PCDHGA6: variants seen among roughly 807,000 people sequenced by gnomAD.
PCDHGA6 encodes protocadherin gamma subfamily A, 6, also known as protocadherin gamma-A6.
Under a neutral mutation model 60.6 loss-of-function variants are expected in PCDHGA6, and 41 were observed. That is an observed-to-expected ratio of 0.68 (90% CI 0.53 to 0.88). The LOEUF is 0.88. Ranked by LOEUF, PCDHGA6 falls within the 40% of genes least tolerant of loss-of-function variation. PCDHGA6 has a pLI of 0.00. For missense variants in PCDHGA6, 1,312 were observed against 1,203.0 expected (o/e 1.09, Z -1.34); for synonymous variants, 594 against 524.4 (o/e 1.13, Z -1.81).
chr5:141,423,067 G>A (rs757110751), intron 1 of PCDHGA6: 10 of 1,614,024 alleles, frequency 6.2e-6, no homozygotes, highest in South Asian at 5.5e-5. Context: ...TAAGGCCAGC[G>A]AGCCGGGACT....
At chr5:141,398,657 G>C in intron 1 of PCDHGA6, 1 of 1,614,018 alleles carries the variant, frequency 6.2e-7, no homozygotes, top group African/African-American at 1.3e-5. Flanking sequence ...CTTAACCCAA[G>C]TTTCTCATTA....
chr5:141,469,565 C>T (rs1410607165), intron 1 of PCDHGA6, among the ~76,000 whole-genome samples: 1 of 152,082 alleles, frequency 6.6e-6, no homozygotes, highest in East Asian at 1.9e-4. Context: ...CAGAGTGAGA[C>T]TCTGTCTCTA....
At chr5:141,464,611 A>G (rs2099087451) in intron 1 of PCDHGA6, among the ~76,000 whole-genome samples, 3 of 152,194 alleles carry the variant, frequency 2.0e-5, no homozygotes, top group African/African-American at 7.2e-5. Context: ...TTTGCAGAGT[A>G]TATTGTCAAG....
chr5:141,506,115 T>C (rs1211973354), intron 3 of PCDHGA6, among the ~76,000 whole-genome samples: 1 of 152,062 alleles, frequency 6.6e-6, no homozygotes, highest in Admixed American at 6.5e-5. Context: ...GAAGAGTCAC[T>C]AGGGCCCAGA....
chr5:141,382,904 C>T (rs1286843210), intron 1 of PCDHGA6: 3 of 1,543,132 alleles, frequency 1.9e-6, no homozygotes, highest in Non-Finnish European at 1.7e-6. Flanking sequence ...ACGACTATGG[C>T]GGCTCAGCCG....
intron 1 of PCDHGA6, chr5:141,382,975 G>A (rs1459980689): frequency 6.2e-7 from 1 of 1,610,700 alleles, no homozygotes. Flanking sequence ...CCCCTGGGAA[G>A]CCTGGGCAGG....
intron 1 of PCDHGA6, chr5:141,422,819 TGAGA>T (rs766395950): frequency 6.2e-7 from 1 of 1,614,188 alleles, no homozygotes; most frequent in African/African-American, 1.3e-5. Flanking sequence ...GACTTAGAAC[TGAGA>T]GTGATAGCAC....
At position 141,494,854 on chromosome 5, in the gene PCDHGA6, C is replaced by T. The variant is rs1353498253; in HGVS notation, c.2472C>T (p.Pro824=). ...TDWRFSQAQR[P]GTSGSQNGDD... The stretch of plus-strand genomic sequence containing the variant: ...GGCGTTTCTCTCAGGCCCAGAGACC[C>T]GGCACCAGCGGGTAGGTGACTGATT... The change falls in exon 2 of 4, where the codon CCC becomes CCT. Residue 824 remains proline (P), a synonymous_variant. Coordinates refer to ENST00000517434, the MANE Select transcript of PCDHGA6 (RefSeq NM_018919.3). 1.2e-6 allele frequency: 2 copies of T among 1,614,120 alleles called. No homozygotes were observed. Among genetic ancestry groups the T allele is most frequent in the East Asian group, 2.2e-5 (1 of 44,870 alleles).
intron 1 of PCDHGA6, chr5:141,403,246 G>C: frequency 6.2e-7 from 1 of 1,613,930 alleles, no homozygotes; most frequent in South Asian, 1.1e-5. Flanking sequence ...TCTGTGCTCA[G>C]AGCCCGCGGT....
intron 1 of PCDHGA6, chr5:141,389,934 G>A (rs746045897): frequency 6.2e-7 from 1 of 1,614,064 alleles, no homozygotes; most frequent in East Asian, 2.2e-5. Flanking sequence ...TGACCTCCAG[G>A]CTGAGCTGCA....
At chr5:141,473,369 G>A (rs888984972) in intron 1 of PCDHGA6, among the ~76,000 whole-genome samples, 1 of 152,200 alleles carries the variant, frequency 6.6e-6, no homozygotes, top group African/African-American at 2.4e-5. Context: ...CACCAAAATA[G>A]CATGGTCCCT....
chr5:141,391,910 CAT>C (rs2092442264), intron 1 of PCDHGA6: 2 of 152,134 alleles, frequency 1.3e-5, no homozygotes, highest in African/African-American at 4.8e-5. Context: ...TGCTTTTTAT[CAT>C]ATATTCATCT....
At chr5:141,508,535 C>CA (rs1426956469) in intron 3 of PCDHGA6, among the ~76,000 whole-genome samples, 1 of 152,172 alleles carries the variant, frequency 6.6e-6, no homozygotes, top group Admixed American at 6.5e-5. Flanking sequence ...GGGCACCCCC[C>CA]ACGAGGTGGG....
chr5:141,399,405 G>A (rs768053678), intron 1 of PCDHGA6: 1 of 1,613,974 alleles, frequency 6.2e-7, no homozygotes, highest in Admixed American at 1.7e-5. Flanking sequence ...GGGGCAAGCC[G>A]CCCCTCTCCT....
Position 141,376,615 on chromosome 5 carries a change from T to C in PCDHGA6, c.2424+108T>C, listed in dbSNP as rs917883333. ...GGCTGTTATAGAAGCGAACCTCTTT[T>C]GGTACAGGAAGATTCGTGATTTTGT... On this transcript the variant is annotated intron_variant, in intron 1 of 3. Transcript: ENST00000517434. 24 of 1,439,268 alleles carry C rather than the reference T, an allele frequency of 1.7e-5. 1 individual carries two copies. In the Admixed American group the frequency reaches 2.3e-4, roughly 14 times the overall value. The allele number at this position is 1,439,268 out of a possible 1,614,324, so 89.2% of individuals were successfully genotyped here.
intron 1 of PCDHGA6, chr5:141,419,715 T>C: frequency 6.2e-7 from 1 of 1,613,288 alleles, no homozygotes. Flanking sequence ...CTCTTCAGCC[T>C]GGGGCTGCGA....
intron 1 of PCDHGA6, chr5:141,405,320 C>A (rs1183399090): frequency 6.2e-7 from 1 of 1,614,188 alleles, no homozygotes; most frequent in South Asian, 1.1e-5. Flanking sequence ...GAAAAATGAG[C>A]CTTTGTGCGT....
rs768990626 is a variant in PCDHGA6, at chr5:141,427,590, C to T, written c.2424+51083C>T. On this transcript the variant is annotated intron_variant, in intron 1 of 3. Coordinates refer to ENST00000517434, the MANE Select transcript of PCDHGA6 (RefSeq NM_018919.3). ...GCCTCCGCTCTCATCCAGCACAAGCCTCACCCTACGCATTGGTGAAGTCAA... is the reference window on the plus strand; with the variant it reads ...GCCTCCGCTCTCATCCAGCACAAGCTTCACCCTACGCATTGGTGAAGTCAA... 44 of 678,892 alleles carry T rather than the reference C, an allele frequency of 6.5e-5. No individual in the cohort carries two copies. In the Admixed American group the frequency reaches 8.5e-4, roughly 13 times the overall value. The allele number at this position is 678,892 out of a possible 1,614,324, so 42.1% of individuals were successfully genotyped here.
In PCDHGA6 at chr5:141,490,959, C is replaced by T. The variant is rs1385897960; in HGVS notation, c.2425-3848C>T. ...TGCACCCACGGCCAGACTGGGAACA[C>T]TCAGCCCCCCAGCGTCTCCCTCGCT... On this transcript the variant is annotated intron_variant, in intron 1 of 3. Transcript: ENST00000517434. The surrounding 1 kb of genome is among the most constrained non-coding windows in gnomAD (Gnocchi z 5.4). 6.2e-7 allele frequency: 1 copy of T among 1,613,844 alleles called. No individual in the cohort carries two copies. Among genetic ancestry groups the T allele is most frequent in the South Asian group, 1.1e-5 (1 of 91,038 alleles).
Sources: allele counts gnomAD v4.1 joint callset (sites outside exome capture counted in the v4.1 genomes callset), GRCh38; gene constraint gnomAD v4.1.1; non-coding constraint Gnocchi (gnomAD v3.1); transcripts MANE v1.5; gene names NCBI Gene and HGNC (gene_info 2026-07-23, HGNC 2026-07-21).